Variants in KIAA1217 observed in about 807,000 individuals in gnomAD.
KIAA1217 encodes sickle tail protein homolog.
KIAA1217 carries 88 observed loss-of-function variants against 163.9 expected under a neutral mutation model. The observed-to-expected ratio is 0.54, with a 90% CI of 0.45 to 0.64. The LOEUF is 0.64. KIAA1217 is among the 30% of genes least tolerant of loss of function. The pLI is 0.00. For missense variants in KIAA1217, 2,372 were observed against 2,475.0 expected (o/e 0.96, Z 0.88); for synonymous variants, 903 against 923.1 (o/e 0.98, Z 0.39).
At chr10:24,102,920 G>A (rs2062473432) in intron 2 of KIAA1217, among the ~76,000 whole-genome samples, 2 of 152,144 alleles carry the variant, frequency 1.3e-5, no homozygotes, top group Non-Finnish European at 1.5e-5. Flanking sequence ...TTCCCGTACT[G>A]TGCTCAGGGC....
intron 13 of KIAA1217, among the ~76,000 whole-genome samples, chr10:24,525,960 T>C (rs1254390924): frequency 6.6e-6 from 1 of 152,200 alleles, no homozygotes; most frequent in Non-Finnish European, 1.5e-5. Context: ...CACTGCACTC[T>C]AGCCTGGGCG....
intron 1 of KIAA1217, among the ~76,000 whole-genome samples, chr10:23,899,968 G>T (rs1841885888): frequency 5.1e-5 from 7 of 138,390 alleles, no homozygotes; most frequent in East Asian, 2.1e-4. Flanking sequence ...CTCTCCCTCT[G>T]TCTCTTCCTT....
At chr10:24,477,589 A>G (rs897918513) in intron 6 of KIAA1217, among the ~76,000 whole-genome samples, 3 of 152,240 alleles carry the variant, frequency 2.0e-5, no homozygotes, top group African/African-American at 7.2e-5. Flanking sequence ...ACTAGATGCT[A>G]AGTAACTGCT....
At chr10:24,255,238 A>G (rs916562780) in intron 2 of KIAA1217, 9 of 253,658 alleles carry the variant, frequency 3.5e-5, no homozygotes, top group Non-Finnish European at 5.5e-5. Flanking sequence ...TCTTGCCCTC[A>G]TTGTTAGTGT....
chr10:24,198,562 T>C (rs1356759326), intron 2 of KIAA1217, among the ~76,000 whole-genome samples: 1 of 147,450 alleles, frequency 6.8e-6, no homozygotes, highest in Non-Finnish European at 1.5e-5. Context: ...TGAGCCAAGA[T>C]CGTGCCACTG....
At chr10:23,976,129 T>C (rs958112739) in intron 1 of KIAA1217, among the ~76,000 whole-genome samples, 4 of 152,160 alleles carry the variant, frequency 2.6e-5, no homozygotes, top group African/African-American at 9.6e-5. Flanking sequence ...AATTGCTCAA[T>C]GTCAGAACTA....
chr10:24,056,859 G>C (rs942531738), intron 2 of KIAA1217, among the ~76,000 whole-genome samples: 7 of 152,096 alleles, frequency 4.6e-5, no homozygotes, highest in African/African-American at 1.7e-4. Context: ...ATATTGAACT[G>C]TGGTATTTTA....
At chr10:23,800,644 G>A (rs901445118) in intron 1 of KIAA1217, among the ~76,000 whole-genome samples, 4 of 152,158 alleles carry the variant, frequency 2.6e-5, no homozygotes, top group African/African-American at 9.7e-5. Flanking sequence ...ACACCATGTG[G>A]TTGGGTTCTT....
chr10:24,192,999 C>T (rs1473483728), intron 2 of KIAA1217, among the ~76,000 whole-genome samples: 1 of 152,060 alleles, frequency 6.6e-6, no homozygotes, highest in Non-Finnish European at 1.5e-5. Flanking sequence ...ACAGGCTGGT[C>T]TTAAACTCCT....
chr10:24,432,674 C>T (rs762401744), intron 3 of KIAA1217, among the ~76,000 whole-genome samples: 1 of 151,906 alleles, frequency 6.6e-6, no homozygotes, highest in African/African-American at 2.4e-5. Flanking sequence ...AGGTGGGTCT[C>T]GAACTCCTGG....
At chr10:24,076,899 T>C (rs1466909055) in intron 2 of KIAA1217, among the ~76,000 whole-genome samples, 2 of 149,774 alleles carry the variant, frequency 1.3e-5, no homozygotes, top group Non-Finnish European at 3.0e-5. Context: ...TTTTTTGAGA[T>C]GGAGCCTCAT....
chr10:23,791,139 A>C (rs576123034), intron 1 of KIAA1217, among the ~76,000 whole-genome samples: 1 of 152,306 alleles, frequency 6.6e-6, no homozygotes, highest in South Asian at 2.1e-4. Flanking sequence ...GTCTTTCAAA[A>C]ATTCTGTTAA....
chr10:23,832,287 G>T (rs892807138), intron 1 of KIAA1217, among the ~76,000 whole-genome samples: 1 of 152,196 alleles, frequency 6.6e-6, no homozygotes, highest in Non-Finnish European at 1.5e-5. Context: ...TATAAAAGAT[G>T]CAGATACCTC....
At chr10:24,272,314 A>G (rs1446198501) in intron 2 of KIAA1217, among the ~76,000 whole-genome samples, 4 of 152,186 alleles carry the variant, frequency 2.6e-5, no homozygotes, top group African/African-American at 9.7e-5. Flanking sequence ...GATTAGTTCT[A>G]CTTTCTAACT....
chr10:24,377,853 G>A (rs2134703228), intron 2 of KIAA1217, among the ~76,000 whole-genome samples: 1 of 152,286 alleles, frequency 6.6e-6, no homozygotes, highest in South Asian at 2.1e-4. Context: ...TAGAATTGGT[G>A]TTGGTCAGCG....
chr10:24,127,542 C>T (rs1005267810), intron 2 of KIAA1217, among the ~76,000 whole-genome samples: 30 of 152,082 alleles, frequency 2.0e-4, no homozygotes, highest in Admixed American at 3.3e-4. Context: ...CTTTTACAGC[C>T]GGTGTACAGC....
At chr10:24,434,006 TCC>T (rs971307491) in intron 4 of KIAA1217, among the ~76,000 whole-genome samples, 11 of 139,042 alleles carry the variant, frequency 7.9e-5, no homozygotes, top group African/African-American at 2.6e-4. Context: ...CATCTCTCTC[TCC>T]CTCTCTCTCT....
intron 2 of KIAA1217, among the ~76,000 whole-genome samples, chr10:24,137,735 A>G (rs1313225768): frequency 6.6e-6 from 1 of 152,226 alleles, no homozygotes; most frequent in African/African-American, 2.4e-5. Flanking sequence ...ATTATCAAAA[A>G]TATCCTATTC....
At chr10:24,015,754 C>CAAA (rs3072771) in intron 2 of KIAA1217, among the ~76,000 whole-genome samples, 6 of 121,082 alleles carry the variant, frequency 5.0e-5, no homozygotes, top group East Asian at 2.5e-4. Flanking sequence ...GACTCTGACT[C>CAAA]AAAAAAAAAA....
Sources: allele counts gnomAD v4.1 joint callset (sites outside exome capture counted in the v4.1 genomes callset), GRCh38; gene constraint gnomAD v4.1.1; transcripts MANE v1.5; gene names NCBI Gene and HGNC (gene_info 2026-07-23, HGNC 2026-07-21).